The following NMNAT2 variants were observed in gnomAD, a reference collection of about 807,000 sequenced individuals.
The protein encoded by NMNAT2 is nicotinamide nucleotide adenylyltransferase 2.
A neutral mutation model predicts 41.6 loss-of-function variants in NMNAT2; 11 were observed. That is an observed-to-expected ratio of 0.26 (90% CI 0.17 to 0.44). NMNAT2 has a LOEUF of 0.44. Among genes scored for constraint, NMNAT2 ranks in the 20% least tolerant of loss-of-function variants. The pLI, the probability that NMNAT2 is intolerant of heterozygous loss-of-function variation, is 1.00. For synonymous variants in NMNAT2, 148 were observed against 151.2 expected (o/e 0.98, Z 0.16); for missense variants, 288 against 407.7 (o/e 0.71, Z 2.53).
Position 183,341,749 on chromosome 1 carries a change from C to CAAAAAAAAAAAAAAAAAAAAAAAA in NMNAT2, c.86-47957_86-47956insTTTTTTTTTTTTTTTTTTTTTTTT, listed in dbSNP as rs1475480146. Among the ~76,000 whole-genome samples the CAAAAAAAAAAAAAAAAAAAAAAAA allele has an allele frequency of 6.3e-4, 20 of 31,686 alleles. 1 individual carries two copies. Among genetic ancestry groups the CAAAAAAAAAAAAAAAAAAAAAAAA allele is most frequent in the East Asian group, 2.7e-3 (1 of 366 alleles). 20.8% of individuals were successfully genotyped at this position (31,686 alleles called of 152,430 possible). A position where few individuals can be genotyped will look rare whatever the true frequency, so the allele number is the denominator to read the frequency against. Reference sequence around the variant, plus strand: ...CCAAAAAAAAAAAAAAAAAAAAAACCTGTTTCCTTCACTCCAGGTTACTTT... The same window carrying CAAAAAAAAAAAAAAAAAAAAAAAA: ...CCAAAAAAAAAAAAAAAAAAAAAACCAAAAAAAAAAAAAAAAAAAAAAAATGTTTCCTTCACTCCAGGTTACTTT... On this transcript the variant is annotated intron_variant, in intron 1 of 10. Coordinates refer to ENST00000287713, the MANE Select transcript of NMNAT2 (RefSeq NM_015039.4).
chr1:183,264,697 G>T (rs597174), intron 8 of NMNAT2, among the ~76,000 whole-genome samples: 147,045 of 151,956 alleles, frequency 0.97, 71,341 homozygotes, highest in East Asian at 1. Flanking sequence ...TGTGTGTGTG[G>T]GTTCGGGAAG....
chr1:183,345,983 G>C (rs547048246), intron 1 of NMNAT2, among the ~76,000 whole-genome samples: 1 of 152,262 alleles, frequency 6.6e-6, no homozygotes, highest in Non-Finnish European at 1.5e-5. Flanking sequence ...ATTGAGCCAG[G>C]CTAACATCCT....
chr1:183,333,144 C>T (rs1327620422), intron 1 of NMNAT2, among the ~76,000 whole-genome samples: 1 of 152,122 alleles, frequency 6.6e-6, no homozygotes, highest in South Asian at 2.1e-4. Flanking sequence ...AGGTGGAAGC[C>T]AATGCCCAGA....
At chr1:183,404,370 G>A (rs373457228) in intron 1 of NMNAT2, among the ~76,000 whole-genome samples, 9 of 152,158 alleles carry the variant, frequency 5.9e-5, no homozygotes, top group East Asian at 5.8e-4. Flanking sequence ...GATTACAGGC[G>A]TGAGCCACTG....
chr1:183,354,601 G>C (rs1663142536), intron 1 of NMNAT2, among the ~76,000 whole-genome samples: 1 of 151,908 alleles, frequency 6.6e-6, no homozygotes. Context: ...CTTGTTTATA[G>C]AGACAGGGTC....
chr1:183,285,865 G>A (rs930683463), intron 5 of NMNAT2, among the ~76,000 whole-genome samples: 2 of 152,154 alleles, frequency 1.3e-5, no homozygotes, highest in Non-Finnish European at 2.9e-5. Context: ...ATAGTCCTAG[G>A]TTTGGGGTAT....
chr1:183,400,780 C>T (rs1056747745), intron 1 of NMNAT2, among the ~76,000 whole-genome samples: 3 of 152,168 alleles, frequency 2.0e-5, no homozygotes, highest in African/African-American at 7.2e-5. Context: ...ATCATCTGAT[C>T]TTTGACAAAC....
chr1:183,411,322 CA>C (rs1232058470), intron 1 of NMNAT2, among the ~76,000 whole-genome samples: 1 of 152,082 alleles, frequency 6.6e-6, no homozygotes, highest in Non-Finnish European at 1.5e-5. Flanking sequence ...ATTCAATAAA[CA>C]TTTTTTTTTA....
chr1:183,312,396 G>A (rs768678341), intron 1 of NMNAT2, among the ~76,000 whole-genome samples: 2 of 151,652 alleles, frequency 1.3e-5, no homozygotes, highest in Non-Finnish European at 2.9e-5. Flanking sequence ...ACCACACCTG[G>A]CAATTTCAGA....
chr1:183,282,558 C>T (rs2102300761), intron 7 of NMNAT2, among the ~76,000 whole-genome samples: 1 of 152,368 alleles, frequency 6.6e-6, no homozygotes, highest in African/African-American at 2.4e-5. Flanking sequence ...GAGAAATACA[C>T]TGGAATACAA....
At chr1:183,391,219 G>T (rs1415896201) in intron 1 of NMNAT2, among the ~76,000 whole-genome samples, 1 of 152,066 alleles carries the variant, frequency 6.6e-6, no homozygotes, top group East Asian at 1.9e-4. Flanking sequence ...ACTCTGCAAG[G>T]ATGACCTTTC....
At chr1:183,367,144 T>A (rs1451934427) in intron 1 of NMNAT2, among the ~76,000 whole-genome samples, 1 of 152,182 alleles carries the variant, frequency 6.6e-6, no homozygotes, top group Non-Finnish European at 1.5e-5. Context: ...CTGGATCACA[T>A]CCACACTTTT....
chr1:183,354,717 T>C (rs954344858), intron 1 of NMNAT2, among the ~76,000 whole-genome samples: 1 of 152,272 alleles, frequency 6.6e-6, no homozygotes, highest in East Asian at 1.9e-4. Flanking sequence ...GTGCCAACCA[T>C]CTTTAACTTT....
intron 1 of NMNAT2, among the ~76,000 whole-genome samples, chr1:183,318,549 G>A (rs997124926): frequency 1.3e-5 from 2 of 152,172 alleles, no homozygotes; most frequent in Non-Finnish European, 2.9e-5. Flanking sequence ...CAGGACGATG[G>A]GGGAGGAATT....
At chr1:183,414,116 G>A (rs1649193059) in intron 1 of NMNAT2, among the ~76,000 whole-genome samples, 3 of 152,162 alleles carry the variant, frequency 2.0e-5, no homozygotes, top group South Asian at 2.1e-4. Context: ...AATTTTTGGA[G>A]ACAATATCAG....
rs1660648843 is a variant in NMNAT2, at chr1:183,261,219, T to C, written c.736A>G (p.Ile246Val). ...GGACTCACTTTGTATTTGCGGAGTATTGAGGAGTGATTCATGATTCGGTCT... is the reference window on the plus strand; with the variant it reads ...GGACTCACTTTGTATTTGCGGAGTACTGAGGAGTGATTCATGATTCGGTCT... ...DTDRIMNHSS[I>V]LRKYKNNIMV... The change falls in exon 9 of 11, where the codon ATA (isoleucine) becomes GTA (valine). Residue 246 changes from isoleucine to valine, a missense_variant. Around this residue, in one of 3 missense-constraint regions of NMNAT2, gnomAD observed 181 missense variants for 213.7 expected, o/e 0.85. Coordinates refer to ENST00000287713, the MANE Select transcript of NMNAT2 (RefSeq NM_015039.4). The C allele has an allele frequency of 6.2e-7, 1 of 1,614,176 alleles. No individual in the cohort carries two copies. The highest frequency in any genetic ancestry group is 8.5e-7 in the Non-Finnish European group (1 of 1,180,006).
intron 1 of NMNAT2, among the ~76,000 whole-genome samples, chr1:183,341,675 A>AG (rs1662806308): frequency 2.8e-5 from 2 of 70,914 alleles, no homozygotes; most frequent in Non-Finnish European, 5.9e-5. Context: ...TGGTCAATAG[A>AG]GAAAAAAAAA....
At chr1:183,386,154 A>G (rs1410555968) in intron 1 of NMNAT2, among the ~76,000 whole-genome samples, 1 of 152,176 alleles carries the variant, frequency 6.6e-6, no homozygotes, top group Admixed American at 6.5e-5. Flanking sequence ...TTGTTACCGG[A>G]AGGACTATCT....
chr1:183,360,094 T>C (rs1571618815), intron 1 of NMNAT2, among the ~76,000 whole-genome samples: 1 of 152,144 alleles, frequency 6.6e-6, no homozygotes, highest in Non-Finnish European at 1.5e-5. Flanking sequence ...AGTCACTCAA[T>C]TGTGCTCTGT....
Sources: gnomAD v4.1 joint callset for allele counts (sites outside exome capture counted in the v4.1 genomes callset) on GRCh38, gnomAD v4.1.1 for gene constraint, gnomAD v4.1.1 regional missense constraint, MANE v1.5 for transcripts, NCBI Gene and HGNC (gene_info 2026-07-23, HGNC 2026-07-21) for gene names.